The following LYST variants were observed in gnomAD, a reference collection of about 807,000 sequenced individuals.
The protein encoded by LYST is lysosomal trafficking regulator, also known as lysosomal-trafficking regulator.
LYST carries 192 observed loss-of-function variants against 413.6 expected under a neutral mutation model. The ratio of observed to expected loss-of-function variants is 0.46; its 90% CI spans 0.41 to 0.52. The LOEUF (loss-of-function observed/expected upper bound fraction) is 0.52. Ranked by LOEUF, LYST falls within the 20% of genes least tolerant of loss-of-function variation. The pLI is 0.00. For synonymous variants in LYST, 1,525 were observed against 1,567.3 expected (o/e 0.97, Z 0.64); for missense variants, 3,815 against 4,499.9 (o/e 0.85, Z 4.35).
intron 8 of LYST, among the ~76,000 whole-genome samples, chr1:235,801,335 A>C (rs1161777923): frequency 6.6e-6 from 1 of 152,054 alleles, no homozygotes; most frequent in Non-Finnish European, 1.5e-5. Flanking sequence ...ACAAATAAGA[A>C]TTTTTACAGA....
intron 3 of LYST, among the ~76,000 whole-genome samples, chr1:235,814,035 A>T (rs1176047215): frequency 6.6e-6 from 1 of 152,198 alleles, no homozygotes; most frequent in African/African-American, 2.4e-5. Flanking sequence ...AAGGAGACAT[A>T]TTTGAGAAAC....
chr1:235,757,883 GT>G (rs572690382), intron 23 of LYST, among the ~76,000 whole-genome samples: 8,484 of 137,636 alleles, frequency 0.062, 735 homozygotes, highest in African/African-American at 0.21. Context: ...TATTGGAAAT[GT>G]TTTTTTTTTT....
chr1:235,712,297 A>T, intron 42 of LYST, 100 bp from the exon 43 acceptor site: 2 of 857,264 alleles, frequency 2.3e-6, no homozygotes, highest in Non-Finnish European at 3.6e-6. Context: ...AAAGATTAAA[A>T]TAATGCTAAT....
intron 1 of LYST, among the ~76,000 whole-genome samples, chr1:235,837,303 C>G (rs1456821547): frequency 6.6e-6 from 1 of 152,044 alleles, no homozygotes; most frequent in Non-Finnish European, 1.5e-5. Context: ...AAGCTTGAAA[C>G]AGAAAAGAGT....
intron 14 of LYST, among the ~76,000 whole-genome samples, chr1:235,784,013 G>T (rs1378822180): frequency 6.6e-6 from 1 of 151,972 alleles, no homozygotes; most frequent in Non-Finnish European, 1.5e-5. Flanking sequence ...CCGAATAGCT[G>T]GGACTACAGC....
chr1:235,754,717 G>C (rs1666840842), intron 25 of LYST, among the ~76,000 whole-genome samples: 1 of 151,888 alleles, frequency 6.6e-6, no homozygotes, highest in Admixed American at 6.6e-5. Context: ...ACTTTTAGCA[G>C]ATTTTTTCTA....
At chr1:235,737,916 A>AAGATGGAC in intron 31 of LYST, 1 of 1,163,406 alleles carries the variant, frequency 8.6e-7, no homozygotes, top group Admixed American at 4.4e-5. Context: ...GCTGCCGACG[A>AAGATGGAC]GTCTGGATCT....
chr1:235,861,768 A>G (rs907568441), intron 1 of LYST, among the ~76,000 whole-genome samples: 1 of 152,204 alleles, frequency 6.6e-6, no homozygotes, highest in Non-Finnish European at 1.5e-5. Context: ...CTGGGACTAT[A>G]GGCACAAGCC....
At chr1:235,751,459 A>C in intron 27 of LYST, 97 bp from the exon 28 acceptor site, 1 of 1,099,898 alleles carries the variant, frequency 9.1e-7, no homozygotes, top group South Asian at 1.3e-5. Context: ...GTTTTGATAT[A>C]AATTTTTAAA....
intron 20 of LYST, among the ~76,000 whole-genome samples, 186 bp downstream of exon 20, chr1:235,769,974 A>G (rs1668503947): frequency 6.6e-6 from 1 of 152,082 alleles, no homozygotes; most frequent in Admixed American, 6.6e-5. Flanking sequence ...CAGCGTGATG[A>G]TCAAGCTGTA....
Position 235,806,267 on chromosome 1 carries a change from T to C in LYST, c.2869A>G (p.Met957Val), listed in dbSNP as rs762561555. Residue 957 changes from methionine (M) to valine (V), a missense_variant, in exon 6 of 53, where the codon ATG becomes GTG. This residue lies in a region of LYST where 1,648 missense variants were observed against 1,810.3 expected (regional missense o/e 0.91). Transcript: ENST00000389793. The stretch of plus-strand genomic sequence containing the variant: ...GACCAAATGTCTGCTGCTTGGTGCA[T>C]ATGTTCAGGAGAAGGCAAGACAAGG... ...ESLVLPSPEHMHQAADIWSMC... is the reference protein window; with the variant it reads ...ESLVLPSPEHVHQAADIWSMC... 2.5e-6 allele frequency: 4 copies of C among 1,614,014 alleles called. No homozygotes were observed. Among genetic ancestry groups the C allele is most frequent in the East Asian group, 2.2e-5 (1 of 44,862 alleles).
intron 41 of LYST, among the ~76,000 whole-genome samples, chr1:235,716,408 C>G (rs1260862184): frequency 6.6e-6 from 1 of 152,110 alleles, no homozygotes; most frequent in Admixed American, 6.5e-5. Context: ...ATACGAATAG[C>G]AGGTCCCTGG....
At chr1:235,795,865 GA>G (rs1444121787) in intron 10 of LYST, among the ~76,000 whole-genome samples, 1 of 151,910 alleles carries the variant, frequency 6.6e-6, no homozygotes, top group Non-Finnish European at 1.5e-5. Context: ...AGGAAAAAGA[GA>G]TAATTTGGGG....
At position 235,674,980 on chromosome 1, in the gene LYST, A is replaced by T. The variant is rs1312851255; in HGVS notation, c.11038+2111T>A. Among the ~76,000 whole-genome samples the T allele has an allele frequency of 6.6e-6, 1 of 152,174 alleles. No individual in the cohort carries two copies. On this transcript the variant is annotated intron_variant, in intron 50 of 52. Transcript: ENST00000389793. This position sits in a 1 kb window ranked among gnomAD's most constrained non-coding sequence, Gnocchi z 4.1. ...GTGGATCAAGGCAAAGGCTTATAGA[A>T]AAAGCTCTTACCAAAACCTCTCTCG...
intron 1 of LYST, among the ~76,000 whole-genome samples, chr1:235,863,976 C>G (rs1037905294): frequency 3.3e-5 from 5 of 152,202 alleles, no homozygotes; most frequent in Non-Finnish European, 7.4e-5. Context: ...TCCTAAATAT[C>G]TGATCAGGTT....
chr1:235,879,260 G>A (rs527429892), intron 1 of LYST, among the ~76,000 whole-genome samples: 2 of 152,346 alleles, frequency 1.3e-5, no homozygotes, highest in East Asian at 3.9e-4. Context: ...TAGAGCATTT[G>A]TCACTGGGGA....
chr1:235,697,471 C>A (rs1661201567), intron 45 of LYST, among the ~76,000 whole-genome samples, 199 bp from the exon 46 acceptor site: 1 of 152,058 alleles, frequency 6.6e-6, no homozygotes, highest in Non-Finnish European at 1.5e-5. Context: ...GAGTTTTACT[C>A]TGTGGTTCTG....
chr1:235,776,556 G>A (rs1669260207), intron 17 of LYST, among the ~76,000 whole-genome samples: 1 of 152,096 alleles, frequency 6.6e-6, no homozygotes, highest in Non-Finnish European at 1.5e-5. Flanking sequence ...CCCTGAAATA[G>A]TCTATAATTA....
chr1:235,741,590 A>T lies in LYST; in HGVS notation c.8190T>A (p.Thr2730=). The T allele has an allele frequency of 6.2e-7, 1 of 1,614,148 alleles. No individual in the cohort carries two copies. Residue 2730 remains threonine (T), a synonymous_variant, in exon 31 of 53, where the codon ACT becomes ACA. Transcript: ENST00000389793. ...TCTCCTTACAAGACCACAGAATTTT[A>T]GTCCATTGCTGCTTGGAACCACTGG... The part of the protein sequence containing the change: ...SKASGSKQQW[T]KILWSCKETF...
Sources: allele counts gnomAD v4.1 joint callset (sites outside exome capture counted in the v4.1 genomes callset), GRCh38; gene constraint gnomAD v4.1.1; regional missense constraint gnomAD v4.1.1; non-coding constraint Gnocchi (gnomAD v3.1); transcripts MANE v1.5; gene names NCBI Gene and HGNC (gene_info 2026-07-23, HGNC 2026-07-21).